CCDC198: variants seen among roughly 807,000 people sequenced by gnomAD.
The protein encoded by CCDC198 is coiled-coil domain containing 198.
A neutral mutation model predicts 35.6 loss-of-function variants in CCDC198; 18 were observed. The ratio of observed to expected loss-of-function variants is 0.51; its 90% CI spans 0.35 to 0.75. CCDC198 has a LOEUF of 0.75. Among genes scored for constraint, CCDC198 ranks in the 30% least tolerant of loss-of-function variants. The pLI, the probability that CCDC198 is intolerant of heterozygous loss-of-function variation, is 0.01. For synonymous variants in CCDC198, 119 were observed against 113.4 expected, an observed-to-expected ratio of 1.05 and a Z score of -0.31; for missense variants, 365 against 343.7, an observed-to-expected ratio of 1.06 and a Z score of -0.49.
chr14:57,485,594 T>C (rs1012733581), intron 2 of CCDC198, among the ~76,000 whole-genome samples: 1 of 152,194 alleles, frequency 6.6e-6, no homozygotes, highest in Non-Finnish European at 1.5e-5. Flanking sequence ...TACTGGATAT[T>C]CAGCACTTGT....
chr14:57,483,336 GTTCT>G lies in CCDC198; in HGVS notation c.307-189_307-186del, dbSNP rs964330689. ...ACAAAGGGCTTTTCAACCTATCTGG[GTTCT>G]TTATTATTCTAGTGCACTGTCGACA... On this transcript the variant is annotated intron_variant, in intron 2 of 5. Transcript: ENST00000216445. The G allele has an allele frequency of 6.1e-6, 5 of 819,374 alleles. No homozygotes were observed. In the African/African-American group the frequency reaches 8.7e-5, roughly 14 times the overall value. 50.8% of individuals were successfully genotyped at this position (819,374 alleles called of 1,614,324 possible). A position where few individuals can be genotyped will look rare whatever the true frequency, so the allele number is the denominator to read the frequency against.
intron 2 of CCDC198, chr14:57,483,391 CAG>C (rs2067251626): frequency 2.0e-6 from 1 of 501,170 alleles, no homozygotes; most frequent in Non-Finnish European, 3.5e-6. Flanking sequence ...AAGTGTTGGT[CAG>C]AGAGTTAGGA....
chr14:57,483,325 A>G, intron 2 of CCDC198, 174 bp from the exon 3 acceptor site: 1 of 913,134 alleles, frequency 1.1e-6, no homozygotes, highest in African/African-American at 1.7e-5. Context: ...AGGGCTTTTC[A>G]ACCTATCTGG....
intron 5 of CCDC198, chr14:57,480,222 T>A: frequency 1.0e-6 from 1 of 976,986 alleles, no homozygotes; most frequent in Non-Finnish European, 1.2e-6. Flanking sequence ...TGGTACCAAC[T>A]CTGCTGAAGC....
intron 5 of CCDC198, among the ~76,000 whole-genome samples, chr14:57,472,086 A>G (rs1054721086): frequency 3.3e-5 from 5 of 152,138 alleles, no homozygotes; most frequent in Non-Finnish European, 7.4e-5. Flanking sequence ...TATATGGTCT[A>G]TATTCAAATA....
intron 2 of CCDC198, among the ~76,000 whole-genome samples, chr14:57,490,585 A>G (rs1437797253): frequency 6.6e-6 from 1 of 152,142 alleles, no homozygotes; most frequent in Non-Finnish European, 1.5e-5. Flanking sequence ...TTCCTTTTTC[A>G]TAGGTGGCTA....
intron 1 of CCDC198, among the ~76,000 whole-genome samples, chr14:57,491,820 A>G (rs2067580096): frequency 6.6e-6 from 1 of 152,094 alleles, no homozygotes; most frequent in Non-Finnish European, 1.5e-5. Context: ...TCTGACTTCT[A>G]GATTGTTTCA....
intron 5 of CCDC198, among the ~76,000 whole-genome samples, chr14:57,473,128 T>C (rs1487987051): frequency 2.6e-5 from 4 of 152,180 alleles, no homozygotes; most frequent in African/African-American, 9.7e-5. Flanking sequence ...GCCTGGTGAG[T>C]TGGAAACAAG....
intron 4 of CCDC198, among the ~76,000 whole-genome samples, chr14:57,481,096 CA>C (rs1257165417): frequency 4.6e-5 from 7 of 152,254 alleles, no homozygotes; most frequent in African/African-American, 1.7e-4. Flanking sequence ...TGGAACATGA[CA>C]GTTACAGGCA....
At position 57,493,551 on chromosome 14, in the gene CCDC198, T is replaced by G. The variant is rs1301639178; in HGVS notation, c.165A>C (p.Lys55Asn). 1 of 1,613,998 alleles carries G rather than the reference T, an allele frequency of 6.2e-7. No homozygotes were observed. Among genetic ancestry groups the G allele is most frequent in the Admixed American group, 1.7e-5 (1 of 59,982 alleles). The change falls in exon 1 of 6, where the codon AAA (lysine) becomes AAC (asparagine). Residue 55 changes from lysine to asparagine, a missense_variant. By Grantham distance (94) the Lys-to-Asn change is moderately conservative. Transcript: ENST00000216445. ...AAGGTGGCAGCTGCCCTTCCAAGGC[T>G]TTATTCTGGTCCTGCAGTCTTGCCA... ...YSLARLQDQN[K>N]ALEGQLPPLQ... is the part of the protein sequence containing the mutation.
chr14:57,481,521 T>G, intron 4 of CCDC198, 38 bp downstream of exon 4: 1 of 1,411,938 alleles, frequency 7.1e-7, no homozygotes, highest in Non-Finnish European at 1.0e-6. Flanking sequence ...GATTATGTGA[T>G]GAAAATTTGG....
chr14:57,484,063 C>A (rs950642611), intron 2 of CCDC198, among the ~76,000 whole-genome samples: 1 of 152,132 alleles, frequency 6.6e-6, no homozygotes, highest in Non-Finnish European at 1.5e-5. Flanking sequence ...ATCTGCAGGG[C>A]AGAACTATGA....
At chr14:57,483,018 C>T (rs370349923) in intron 3 of CCDC198, 47 bp downstream of exon 3, 497 of 1,612,612 alleles carry the variant, frequency 3.1e-4, no homozygotes, top group Admixed American at 4.2e-4. Flanking sequence ...AATCCTGTGT[C>T]GCCCACCCCC....
rs1008349920 is a variant in CCDC198 at position 57,475,408 on chromosome 14, A to G, written c.656-3818T>C. On this transcript the variant is annotated intron_variant, in intron 5 of 5. Transcript: ENST00000216445. The stretch of plus-strand genomic sequence containing the variant: ...ATTAAAATAATGGATTCAAAGTGAC[A>G]CATCCCTGAAGCATATGACTGTTTT... 2.3e-5 allele frequency: 25 copies of G among 1,074,346 alleles called. No homozygotes were observed. The African/African-American group carries it at 4.3e-4, about 18-fold the overall frequency. 66.6% of individuals were successfully genotyped at this position (1,074,346 alleles called of 1,614,324 possible).
chr14:57,491,512 G>C (rs2067567413), intron 1 of CCDC198, among the ~76,000 whole-genome samples: 1 of 152,104 alleles, frequency 6.6e-6, no homozygotes, highest in African/African-American at 2.4e-5. Flanking sequence ...ATGATAGATA[G>C]ATAGGTGATT....
intron 2 of CCDC198, among the ~76,000 whole-genome samples, chr14:57,484,798 C>A (rs777372321): frequency 1.6e-4 from 24 of 152,076 alleles, no homozygotes; most frequent in Non-Finnish European, 3.5e-4. Flanking sequence ...CACTGACATG[C>A]GTTAAGCAAA....
chr14:57,484,833 T>A (rs907661349), intron 2 of CCDC198, among the ~76,000 whole-genome samples: 52 of 152,150 alleles, frequency 3.4e-4, no homozygotes, highest in African/African-American at 1.2e-3. Flanking sequence ...ACATTTGCTT[T>A]TTAAAAAGGG....
In CCDC198 at chr14:57,485,510, G is replaced by C. The variant is rs75320729; in HGVS notation, c.307-2359C>G. On this transcript the variant is annotated intron_variant, in intron 2 of 5. Coordinates refer to ENST00000216445, the MANE Select transcript of CCDC198 (RefSeq NM_018168.4). Reference sequence around the variant, plus strand: ...AGTGTGATTTGTTGCATTATTAAGGGGGTAGATTTGGAAGTTAACTTGGCT... The same window carrying C: ...AGTGTGATTTGTTGCATTATTAAGGCGGTAGATTTGGAAGTTAACTTGGCT... 4.5e-3 allele frequency among the ~76,000 whole-genome samples: 693 copies of C among 152,308 alleles called. 2 individuals carry two copies. The highest frequency in any genetic ancestry group is 0.014 in the African/African-American group (592 of 41,560).
chr14:57,474,217 A>G (rs996473983), intron 5 of CCDC198, among the ~76,000 whole-genome samples: 2 of 152,268 alleles, frequency 1.3e-5, no homozygotes, highest in East Asian at 1.9e-4. Context: ...GAACAAATAG[A>G]TGAATAAATG....
Sources: allele counts gnomAD v4.1 joint callset (sites outside exome capture counted in the v4.1 genomes callset), GRCh38; gene constraint gnomAD v4.1.1; transcripts MANE v1.5; gene names NCBI Gene and HGNC (gene_info 2026-07-23, HGNC 2026-07-21).